MACF1: variants seen among roughly 807,000 people sequenced by gnomAD.
The protein encoded by MACF1 is microtubule actin crosslinking factor 1.
In MACF1, 193 loss-of-function variants were observed where a neutral mutation model predicts 854.8. The observed-to-expected ratio is 0.23, with a 90% CI of 0.20 to 0.25. MACF1 has a LOEUF of 0.25. Ranked by LOEUF, MACF1 falls within the 10% of genes least tolerant of loss-of-function variation. The pLI is 1.00. For synonymous variants in MACF1, 3,185 were observed against 3,226.7 expected (o/e 0.99, Z 0.44); for missense variants, 7,722 against 8,929.1 (o/e 0.86, Z 5.45).
intron 55 of MACF1, among the ~76,000 whole-genome samples, chr1:39,381,391 A>AGG (rs1650202616): frequency 8.8e-6 from 1 of 114,074 alleles, no homozygotes; most frequent in Admixed American, 1.1e-4. Flanking sequence ...GGGGGGGGAC[A>AGG]GGGTCTTGCT....
Position 39,283,555 on chromosome 1 carries a change from T to A in MACF1, c.915+40T>A, listed in dbSNP as rs1645591612. ...TCCTAGAAGGCCTTCTGACTTTGATTCATTTGGGTGAAATGCATTGGTTAG... is the reference window on the plus strand; with the variant it reads ...TCCTAGAAGGCCTTCTGACTTTGATACATTTGGGTGAAATGCATTGGTTAG... On this transcript the variant is annotated intron_variant, in intron 9 of 100. Coordinates refer to ENST00000564288, the MANE Select transcript of MACF1 (RefSeq NM_001394062.1). The surrounding 1 kb of genome is among the most constrained non-coding windows in gnomAD (Gnocchi z 4.5). 1 of 1,425,270 alleles carries A rather than the reference T, an allele frequency of 7.0e-7. No individual in the cohort carries two copies. The highest frequency in any genetic ancestry group is 2.3e-5 in the East Asian group (1 of 43,960). The allele number at this position is 1,425,270 out of a possible 1,614,324, so 88.3% of individuals were successfully genotyped here.
chr1:39,148,205 A>G (rs774218084), intron 2 of MACF1, among the ~76,000 whole-genome samples: 1 of 152,202 alleles, frequency 6.6e-6, no homozygotes, highest in African/African-American at 2.4e-5. Context: ...CCCCTAGACC[A>G]TGAGTTCAGT....
chr1:39,193,888 G>A (rs1164351453), intron 2 of MACF1, among the ~76,000 whole-genome samples: 2 of 152,026 alleles, frequency 1.3e-5, no homozygotes, highest in African/African-American at 2.4e-5. Context: ...TTGTTGCCCA[G>A]GCTGGGGTGC....
chr1:39,219,346 G>T (rs1207133555), intron 1 of MACF1, among the ~76,000 whole-genome samples: 3 of 152,164 alleles, frequency 2.0e-5, no homozygotes, highest in Non-Finnish European at 4.4e-5. Context: ...GCTGTATACT[G>T]CGTGACTTTG....
intron 6 of MACF1, among the ~76,000 whole-genome samples, chr1:39,259,641 A>G (rs182076176): frequency 4.2e-4 from 63 of 148,536 alleles, no homozygotes; most frequent in Non-Finnish European, 7.7e-4. Flanking sequence ...TTGTTTTTTG[A>G]GACGGAATTT....
chr1:39,234,820 CCCA>C lies in MACF1; in HGVS notation c.171+3578_171+3580del, dbSNP rs1644838343. Among the ~76,000 whole-genome samples, 4 of 43,678 alleles carry C rather than the reference CCCA, an allele frequency of 9.2e-5. No homozygotes were observed. In the South Asian group the frequency reaches 6.1e-3, roughly 67 times the overall value. The allele number at this position is 43,678 out of a possible 152,430, so 28.7% of individuals were successfully genotyped here. ...GGCCGGGCAGAGATGCTCCTCACCT[CCCA>C]GACGGGGTCGCGGCTGGGCAGAGGT... On this transcript the variant is annotated intron_variant, in intron 2 of 100. Transcript: ENST00000564288.
intron 2 of MACF1, among the ~76,000 whole-genome samples, chr1:39,144,961 C>A (rs1643429995): frequency 6.6e-6 from 1 of 152,172 alleles, no homozygotes. Context: ...AGTCTGTCAG[C>A]CCCTTTATGG....
At position 39,336,666 on chromosome 1, in the gene MACF1, C is replaced by CTT. The variant is rs562176048; in HGVS notation, c.10065+24_10065+25dup. The CTT allele has an allele frequency of 4.2e-5, 51 of 1,209,688 alleles. No individual in the cohort carries two copies. The highest frequency in any genetic ancestry group is 8.1e-5 in the South Asian group (5 of 61,432). 74.9% of individuals were successfully genotyped at this position (1,209,688 alleles called of 1,614,324 possible). ...CAGAGCAACTCAGGTCAGTGGTGTG[C>CTT]TTTTTTTTTTTTCTTCCTAAAGATA... On this transcript the variant is annotated intron_variant, in intron 37 of 100. Coordinates refer to ENST00000564288, the MANE Select transcript of MACF1 (RefSeq NM_001394062.1).
intron 2 of MACF1, among the ~76,000 whole-genome samples, chr1:39,095,588 A>T (rs896012857): frequency 7.1e-6 from 1 of 141,418 alleles, no homozygotes; most frequent in Non-Finnish European, 1.5e-5. Flanking sequence ...AAAAAAAGAA[A>T]TGTTGGGGAA....
At chr1:39,139,463 G>T (rs1643274506) in intron 2 of MACF1, among the ~76,000 whole-genome samples, 1 of 151,850 alleles carries the variant, frequency 6.6e-6, no homozygotes, top group African/African-American at 2.4e-5. Context: ...CACCATGTTG[G>T]CCAGGCTGGT....
At chr1:39,197,345 T>C (rs939299631) in intron 2 of MACF1, among the ~76,000 whole-genome samples, 2 of 152,172 alleles carry the variant, frequency 1.3e-5, no homozygotes, top group East Asian at 3.8e-4. Context: ...TAAATTACTT[T>C]GGTTATCTTT....
intron 2 of MACF1, among the ~76,000 whole-genome samples, chr1:39,146,332 A>G (rs1256320825): frequency 1.3e-5 from 2 of 151,842 alleles, no homozygotes; most frequent in East Asian, 1.9e-4. Context: ...AGTCCCAGCT[A>G]CTCGGGAGGC....
intron 2 of MACF1, among the ~76,000 whole-genome samples, chr1:39,092,088 G>C (rs1229673938): frequency 6.6e-6 from 1 of 152,130 alleles, no homozygotes; most frequent in Non-Finnish European, 1.5e-5. Flanking sequence ...CCCTGGCTTA[G>C]AGCAATGATA....
rs181645040 is a variant in MACF1 at position 39,385,253 on chromosome 1, A to G, written c.13849-181A>G. 1.6e-4 allele frequency among the ~76,000 whole-genome samples: 24 copies of G among 152,202 alleles called. No individual in the cohort carries two copies. The East Asian group carries it at 4.1e-3, about 26-fold the overall frequency. ...CCACTAATTTTTGTATTTTTAGTAG[A>G]GACGGGGTTTCGCCACGTTGGCCAG... On this transcript the variant is annotated intron_variant, in intron 56 of 100. Transcript: ENST00000564288.
intron 84 of MACF1, 80 bp downstream of exon 84, chr1:39,448,843 A>G: frequency 8.7e-7 from 1 of 1,155,136 alleles, no homozygotes; most frequent in Non-Finnish European, 1.2e-6. Flanking sequence ...TAAAATGGTG[A>G]TAAAGCTAAT....
chr1:39,301,969 T>G (rs1646054088), intron 22 of MACF1, among the ~76,000 whole-genome samples: 2 of 151,478 alleles, frequency 1.3e-5, no homozygotes, highest in South Asian at 2.1e-4. Flanking sequence ...GCTTGTCTGC[T>G]TACCACTGTA....
In MACF1 at chr1:39,379,330, G is replaced by A; in HGVS notation, c.13404G>A (p.Glu4468=). 1.2e-6 allele frequency: 2 copies of A among 1,614,134 alleles called. No homozygotes were observed. Among genetic ancestry groups the A allele is most frequent in the South Asian group, 1.1e-5 (1 of 91,084 alleles). ...ACAGAATGGAGGAGGTTCACAAGGA[G>A]GCAAACTCTGTGCTGCAGTGGCTGG... is the stretch of plus-strand genomic sequence containing the variant. ...ILNRMEEVHK[E]ANSVLQWLES... is the part of the protein sequence containing the mutation. The change falls in exon 54 of 101, where the codon GAG becomes GAA. Residue 4468 remains glutamate (E), a synonymous_variant. Coordinates refer to ENST00000564288, the MANE Select transcript of MACF1 (RefSeq NM_001394062.1).
intron 48 of MACF1, 97 bp from the exon 49 acceptor site, chr1:39,361,263 C>A: frequency 8.1e-7 from 1 of 1,231,330 alleles, no homozygotes; most frequent in Non-Finnish European, 1.1e-6. Flanking sequence ...TGCAGTCCTC[C>A]AGTCCCCCTT....
intron 2 of MACF1, among the ~76,000 whole-genome samples, chr1:39,159,811 C>G (rs991431702): frequency 1.3e-5 from 2 of 151,854 alleles, no homozygotes; most frequent in African/African-American, 4.8e-5. Context: ...GGACCCAGAG[C>G]AACCATGGGG....
Sources: gnomAD v4.1 joint callset for allele counts (sites outside exome capture counted in the v4.1 genomes callset) on GRCh38, gnomAD v4.1.1 for gene constraint, Gnocchi (gnomAD v3.1) non-coding constraint, MANE v1.5 for transcripts, NCBI Gene and HGNC (gene_info 2026-07-23, HGNC 2026-07-21) for gene names.